The following COL24A1 variants were observed in gnomAD, a reference collection of about 807,000 sequenced individuals.
COL24A1 encodes collagen alpha-1(XXIV) chain.
Under a neutral mutation model 253.9 loss-of-function variants are expected in COL24A1, and 224 were observed. The ratio of observed to expected loss-of-function variants is 0.88; its 90% CI spans 0.79 to 0.99. The LOEUF is 0.99. COL24A1 is among the 50% of genes least tolerant of loss of function. COL24A1 has a pLI of 0.00. For synonymous variants in COL24A1, 685 were observed against 673.7 expected, an observed-to-expected ratio of 1.02 and a Z score of -0.26; for missense variants, 2,131 against 2,068.5, an observed-to-expected ratio of 1.03 and a Z score of -0.59.
intron 47 of COL24A1, among the ~76,000 whole-genome samples, chr1:85,799,387 A>T (rs1021562432): frequency 1.4e-4 from 3 of 21,232 alleles, no homozygotes; most frequent in Non-Finnish European, 1.3e-3. Context: ...ACTAAAAAAA[A>T]AAAAAAAAAA....
intron 7 of COL24A1, among the ~76,000 whole-genome samples, chr1:86,070,677 A>G (rs1305883075): frequency 6.6e-6 from 1 of 152,220 alleles, no homozygotes; most frequent in African/African-American, 2.4e-5. Context: ...AGAGAGTGGC[A>G]TGACATATTT....
In COL24A1 at chr1:85,730,344, G is replaced by T. The variant is rs1663352014; in HGVS notation, c.*202C>A. 1 of 428,804 alleles carries T rather than the reference G, an allele frequency of 2.3e-6. No homozygotes were observed. Among genetic ancestry groups the T allele is most frequent in the Non-Finnish European group, 4.1e-6 (1 of 246,154 alleles). 26.6% of individuals were successfully genotyped at this position (428,804 alleles called of 1,614,324 possible). A position where few individuals can be genotyped will look rare whatever the true frequency, so the allele number is the denominator to read the frequency against. On this transcript the variant is annotated 3_prime_UTR_variant, in exon 60 of 60. Transcript: ENST00000370571. ...GCTGAGATGAATATAATTTTTAAAAGAATTAAATACTTTATCAATCATAGT... is the reference window on the plus strand; with the variant it reads ...GCTGAGATGAATATAATTTTTAAAATAATTAAATACTTTATCAATCATAGT...
At chr1:86,089,119 G>T in intron 7 of COL24A1, 55 bp downstream of exon 7, 1 of 1,365,992 alleles carries the variant, frequency 7.3e-7, no homozygotes, top group Admixed American at 2.7e-5. Context: ...TGAAGAAAAA[G>T]ACAAAAAAAA....
At position 85,868,768 on chromosome 1, in the gene COL24A1, A is replaced by C; in HGVS notation, c.3192+14T>G. 1 of 1,517,344 alleles carries C rather than the reference A, an allele frequency of 6.6e-7. No homozygotes were observed. The highest frequency in any genetic ancestry group is 8.9e-7 in the Non-Finnish European group (1 of 1,117,322). 94.0% of individuals were successfully genotyped at this position (1,517,344 alleles called of 1,614,324 possible). A position where few individuals can be genotyped will look rare whatever the true frequency, so the allele number is the denominator to read the frequency against. On this transcript the variant is annotated intron_variant, in intron 36 of 59. Coordinates refer to ENST00000370571, the MANE Select transcript of COL24A1 (RefSeq NM_152890.7). ...AACATCTATTTTATATATAATCTTAAAAGTATAATTTACCTTTAACCCATC... is the reference window on the plus strand; with the variant it reads ...AACATCTATTTTATATATAATCTTACAAGTATAATTTACCTTTAACCCATC...
intron 31 of COL24A1, among the ~76,000 whole-genome samples, chr1:85,893,978 A>G (rs1683394251): frequency 6.6e-6 from 1 of 152,136 alleles, no homozygotes; most frequent in African/African-American, 2.4e-5. Flanking sequence ...GGTTTTTAGG[A>G]GCATACACTA....
chr1:85,953,814 T>C (rs1179970403), intron 24 of COL24A1, among the ~76,000 whole-genome samples: 1 of 152,182 alleles, frequency 6.6e-6, no homozygotes, highest in East Asian at 1.9e-4. Flanking sequence ...TTACATTGAA[T>C]GTGATTTTTA....
intron 5 of COL24A1, among the ~76,000 whole-genome samples, chr1:86,107,981 G>A (rs1351446680): frequency 1.3e-5 from 2 of 151,994 alleles, no homozygotes; most frequent in Admixed American, 1.3e-4. Context: ...CAAAATAAAT[G>A]TAAGTTTTTA....
chr1:86,128,523 C>T (rs917543213), intron 2 of COL24A1, among the ~76,000 whole-genome samples: 4 of 151,964 alleles, frequency 2.6e-5, no homozygotes, highest in African/African-American at 9.7e-5. Flanking sequence ...ATATCAAGGG[C>T]TGCACGCTGC....
At chr1:85,737,800 G>A (rs1328678207) in intron 57 of COL24A1, among the ~76,000 whole-genome samples, 1 of 152,086 alleles carries the variant, frequency 6.6e-6, no homozygotes, top group East Asian at 1.9e-4. Flanking sequence ...CTGACCTCAA[G>A]TGATCTGCCC....
intron 37 of COL24A1, among the ~76,000 whole-genome samples, chr1:85,853,277 T>G (rs898548744): frequency 6.6e-6 from 1 of 152,226 alleles, no homozygotes; most frequent in African/African-American, 2.4e-5. Flanking sequence ...GCTGCATCCA[T>G]GTTGCTGGTT....
At position 85,816,809 on chromosome 1, in the gene COL24A1, T is replaced by C; in HGVS notation, c.3930A>G (p.Pro1310=). The C allele has an allele frequency of 6.2e-7, 1 of 1,613,956 alleles. No individual in the cohort carries two copies. The highest frequency in any genetic ancestry group is 1.3e-5 in the African/African-American group (1 of 75,068). ...TCACAGGAAGTCCCTGTTTTCCTGGTGGCCCAATTTTTCCAGGGTTTCCTG... is the reference window on the plus strand; with the variant it reads ...TCACAGGAAGTCCCTGTTTTCCTGGCGGCCCAATTTTTCCAGGGTTTCCTG... ...GISGNPGKIG[P]PGKQGLPGIR... is the part of the protein sequence containing the mutation. The change falls in exon 47 of 60, where the codon CCA becomes CCG. Residue 1310 remains proline (P), a synonymous_variant. Coordinates refer to ENST00000370571, the MANE Select transcript of COL24A1 (RefSeq NM_152890.7).
intron 25 of COL24A1, among the ~76,000 whole-genome samples, chr1:85,910,779 A>G (rs2102926388): frequency 6.6e-6 from 1 of 152,040 alleles, no homozygotes; most frequent in East Asian, 1.9e-4. Flanking sequence ...TGCAGACATG[A>G]TATTAACAGA....
chr1:86,074,034 C>T (rs560038622), intron 7 of COL24A1, among the ~76,000 whole-genome samples: 7 of 152,154 alleles, frequency 4.6e-5, no homozygotes, highest in Non-Finnish European at 8.8e-5. Context: ...ACCATTGACA[C>T]CATAAAGAAA....
chr1:85,893,786 T>A (rs544826816), intron 31 of COL24A1, among the ~76,000 whole-genome samples: 1 of 152,270 alleles, frequency 6.6e-6, no homozygotes, highest in Admixed American at 6.5e-5. Context: ...CCCAACCATT[T>A]TTTAAAATTC....
At chr1:85,872,333 G>A (rs1421919368) in intron 35 of COL24A1, among the ~76,000 whole-genome samples, 1 of 151,976 alleles carries the variant, frequency 6.6e-6, no homozygotes. Context: ...TCACAGAATT[G>A]GAAAAAACTA....
At chr1:85,856,404 T>A (rs187038692) in intron 37 of COL24A1, among the ~76,000 whole-genome samples, 3 of 152,312 alleles carry the variant, frequency 2.0e-5, no homozygotes, top group Non-Finnish European at 4.4e-5. Context: ...ACTGTTTTCA[T>A]TAGTTTCAAA....
chr1:86,010,914 G>A (rs1321489435), intron 19 of COL24A1, among the ~76,000 whole-genome samples: 1 of 152,162 alleles, frequency 6.6e-6, no homozygotes, highest in East Asian at 1.9e-4. Context: ...CCTTAAACAA[G>A]CAAAACATAC....
chr1:86,056,686 T>C lies in COL24A1; in HGVS notation c.1851+1245A>G, dbSNP rs149715844. Among the ~76,000 whole-genome samples the C allele has an allele frequency of 7.7e-3, 1,168 of 151,944 alleles. 17 individuals are homozygous for C. Among genetic ancestry groups the C allele is most frequent in the African/African-American group, 0.027 (1,112 of 41,448 alleles). ...CTGGCCAACATGGTGAAACCCTGTC[T>C]CTACTAAAAATACAAAAATTAGCCT... On this transcript the variant is annotated intron_variant, in intron 10 of 59. Transcript: ENST00000370571.
At chr1:85,841,737 CA>C (rs1305288055) in intron 41 of COL24A1, among the ~76,000 whole-genome samples, 2 of 151,980 alleles carry the variant, frequency 1.3e-5, no homozygotes, top group African/African-American at 4.8e-5. Context: ...TCTCCTGCCC[CA>C]AAGACTTTAA....
Sources: allele counts gnomAD v4.1 joint callset (sites outside exome capture counted in the v4.1 genomes callset), GRCh38; gene constraint gnomAD v4.1.1; transcripts MANE v1.5; gene names NCBI Gene and HGNC (gene_info 2026-07-23, HGNC 2026-07-21).